The following C10orf67 variants were observed in gnomAD, a reference collection of about 807,000 sequenced individuals.
C10orf67 encodes uncharacterized protein C10orf67, mitochondrial.
A neutral mutation model predicts 35.6 loss-of-function variants in C10orf67; 60 were observed. The ratio of observed to expected loss-of-function variants is 1.68; its 90% CI spans 1.37 to 2.09. C10orf67 has a LOEUF of 2.09. C10orf67 is among the 30% of genes most tolerant of loss of function. C10orf67 has a pLI of 0.00. For synonymous variants in C10orf67, 167 were observed against 115.8 expected (o/e 1.44, Z -2.84); for missense variants, 474 against 330.2 (o/e 1.44, Z -3.38).
chr10:23,226,527 G>T (rs1411680147), intron 13 of C10orf67, among the ~76,000 whole-genome samples: 1 of 152,028 alleles, frequency 6.6e-6, no homozygotes, highest in Non-Finnish European at 1.5e-5. Context: ...ACAACTAAAA[G>T]AACTAGAGAA....
intron 13 of C10orf67, among the ~76,000 whole-genome samples, chr10:23,225,351 A>C (rs1287068291): frequency 2.0e-5 from 3 of 152,136 alleles, no homozygotes; most frequent in African/African-American, 7.2e-5. Flanking sequence ...GCCTGCCCTA[A>C]AAGAGCTCCT....
intron 7 of C10orf67, 29 bp downstream of exon 7, chr10:23,289,871 T>A (rs1353415656): frequency 1.4e-6 from 1 of 713,872 alleles, no homozygotes; most frequent in South Asian, 1.5e-5. Context: ...TTTAAAAGAG[T>A]CATTTATCAA....
At chr10:23,303,186 T>C (rs1844149524) in intron 5 of C10orf67, 118 bp downstream of exon 5, 2 of 401,680 alleles carry the variant, frequency 5.0e-6, no homozygotes, top group Non-Finnish European at 8.9e-6. Context: ...GCTTATATTA[T>C]GGGGAGATGC....
intron 1 of C10orf67, among the ~76,000 whole-genome samples, chr10:23,336,578 G>C (rs774598151): frequency 5.3e-5 from 8 of 152,224 alleles, no homozygotes; most frequent in African/African-American, 1.2e-4. Context: ...GCAGTGGTGT[G>C]ATCTCAGCTC....
At chr10:23,210,749 G>C (rs1162301960) in intron 15 of C10orf67, among the ~76,000 whole-genome samples, 2 of 152,122 alleles carry the variant, frequency 1.3e-5, no homozygotes, top group African/African-American at 4.8e-5. Flanking sequence ...CAAACATATA[G>C]AGATCACTTG....
chr10:23,223,881 C>G, intron 13 of C10orf67, 63 bp from the exon 14 acceptor site: 1 of 704,460 alleles, frequency 1.4e-6, no homozygotes, highest in Non-Finnish European at 2.6e-6. Flanking sequence ...ATCAAATGGA[C>G]GTTAATGTTC....
In C10orf67 at chr10:23,303,465, G is replaced by A; in HGVS notation, c.547-6C>T. On this transcript the variant is annotated splice_polypyrimidine_tract_variant and splice_region_variant and intron_variant, in intron 4 of 15. Coordinates refer to ENST00000636213, the MANE Select transcript of C10orf67 (RefSeq NM_001371909.1). Reference sequence around the variant, plus strand: ...TCTTCTACCTCAAAGAATTGCTAGGGACAAAAAAAAGCAGCATTAAAAATT... The same window carrying A: ...TCTTCTACCTCAAAGAATTGCTAGGAACAAAAAAAAGCAGCATTAAAAATT... 1.9e-6 allele frequency: 1 copy of A among 533,470 alleles called. No homozygotes were observed. Among genetic ancestry groups the A allele is most frequent in the Non-Finnish European group, 3.4e-6 (1 of 294,262 alleles). 33.0% of individuals were successfully genotyped at this position (533,470 alleles called of 1,614,324 possible).
intron 5 of C10orf67, among the ~76,000 whole-genome samples, chr10:23,292,966 C>T (rs764656866): frequency 6.6e-6 from 1 of 151,230 alleles, no homozygotes; most frequent in African/African-American, 2.4e-5. Flanking sequence ...AATTTGAGAC[C>T]ATCACAGAAT....
chr10:23,342,078 C>T (rs751695464), intron 1 of C10orf67, among the ~76,000 whole-genome samples: 3 of 152,036 alleles, frequency 2.0e-5, no homozygotes, highest in South Asian at 2.1e-4. Flanking sequence ...GTGGAGGGAT[C>T]GCTTGACTCC....
At chr10:23,230,444 A>C (rs1308805464) in intron 13 of C10orf67, among the ~76,000 whole-genome samples, 1 of 152,308 alleles carries the variant, frequency 6.6e-6, no homozygotes, top group East Asian at 1.9e-4. Flanking sequence ...AAAGACAAAA[A>C]GGAAAAGATT....
chr10:23,241,747 G>T (rs1842184923), intron 12 of C10orf67, among the ~76,000 whole-genome samples: 1 of 152,004 alleles, frequency 6.6e-6, no homozygotes, highest in African/African-American at 2.4e-5. Flanking sequence ...AAAGATAATA[G>T]CTAAGAATGT....
chr10:23,250,344 T>C, intron 12 of C10orf67, 111 bp downstream of exon 12: 1 of 395,654 alleles, frequency 2.5e-6, no homozygotes, highest in Non-Finnish European at 4.5e-6. Context: ...CTTGTAGAAG[T>C]ATATGAGGTG....
At chr10:23,263,571 T>C (rs534419020) in intron 10 of C10orf67, among the ~76,000 whole-genome samples, 1 of 152,166 alleles carries the variant, frequency 6.6e-6, no homozygotes. Context: ...AATGGGAACA[T>C]GACTGATTTT....
At chr10:23,216,910 T>C (rs567453159) in intron 15 of C10orf67, among the ~76,000 whole-genome samples, 74 of 152,312 alleles carry the variant, frequency 4.9e-4, no homozygotes, top group African/African-American at 1.7e-3. Context: ...CAGTCTTCAT[T>C]GTCTTACTTT....
intron 1 of C10orf67, among the ~76,000 whole-genome samples, chr10:23,334,648 C>T (rs1845605203): frequency 6.6e-6 from 1 of 152,248 alleles, no homozygotes; most frequent in Admixed American, 6.5e-5. Context: ...CACAGTTATC[C>T]CACTCTGCTT....
Position 23,325,255 on chromosome 10 carries a change from T to C in C10orf67, c.328-2718A>G, listed in dbSNP as rs146331014. 6.6e-3 allele frequency among the ~76,000 whole-genome samples: 1,005 copies of C among 152,204 alleles called. 14 individuals carry two copies. The highest frequency in any genetic ancestry group is 0.023 in the African/African-American group (958 of 41,530). On this transcript the variant is annotated intron_variant, in intron 2 of 15. Coordinates refer to ENST00000636213, the MANE Select transcript of C10orf67 (RefSeq NM_001371909.1). ...TGGGAGGCTGAGATGGGATGATCACTTGAGCCTAGGAGTTTGGGGCTGCAG... is the reference window on the plus strand; with the variant it reads ...TGGGAGGCTGAGATGGGATGATCACCTGAGCCTAGGAGTTTGGGGCTGCAG...
chr10:23,277,603 T>C (rs989236213), intron 8 of C10orf67, among the ~76,000 whole-genome samples: 1 of 151,690 alleles, frequency 6.6e-6, no homozygotes, highest in African/African-American at 2.4e-5. Context: ...TACACACATA[T>C]GTAAGACAAA....
chr10:23,333,146 GA>G lies in C10orf67; in HGVS notation c.242del (p.Phe81SerfsTer17). The G allele has an allele frequency of 2.5e-6, 4 of 1,607,686 alleles. No individual in the cohort carries two copies. The highest frequency in any genetic ancestry group is 3.4e-6 in the Non-Finnish European group (4 of 1,175,584). On this transcript the variant is annotated frameshift_variant, in exon 2 of 16. Coordinates refer to ENST00000636213, the MANE Select transcript of C10orf67 (RefSeq NM_001371909.1). LOFTEE classifies it high-confidence loss of function. ...NISDDLKIGFFSTDHATQTDS... is the reference protein window; with the variant it reads ...NISDDLKIGFXSTDHATQTDS... ...CAGTTTGAGTGGCATGGTCTGTGCTGAAAAAGCCAATCTTTAAATCATCTGA... is the reference window on the plus strand; with the variant it reads ...CAGTTTGAGTGGCATGGTCTGTGCTGAAAAGCCAATCTTTAAATCATCTGA...
chr10:23,214,690 C>A (rs1459545999), intron 15 of C10orf67, among the ~76,000 whole-genome samples: 2 of 152,094 alleles, frequency 1.3e-5, no homozygotes, highest in African/African-American at 4.8e-5. Context: ...AACACTTTGA[C>A]AGGATTAAGA....
Sources: gnomAD v4.1 joint callset for allele counts (sites outside exome capture counted in the v4.1 genomes callset) on GRCh38, gnomAD v4.1.1 for gene constraint, MANE v1.5 for transcripts, NCBI Gene and HGNC (gene_info 2026-07-23, HGNC 2026-07-21) for gene names.